Variants in YDJC observed in about 807,000 individuals in gnomAD.
YDJC encodes YdjC chitooligosaccharide deacetylase homolog, also known as carbohydrate deacetylase.
YDJC carries 23 observed loss-of-function variants against 18.9 expected under a neutral mutation model. The ratio of observed to expected loss-of-function variants is 1.22; its 90% CI spans 0.87 to 1.72. The LOEUF is 1.72. YDJC is among the 40% of genes most tolerant of loss of function. The probability of loss-of-function intolerance (pLI) is 0.00; values close to 1 mark genes in which losing one functional copy is unlikely to be tolerated. For synonymous variants in YDJC, 224 were observed against 217.6 expected (o/e 1.03, Z -0.26); for missense variants, 467 against 470.8 (o/e 0.99, Z 0.07).
In YDJC at chr22:21,629,359, C is replaced by A. The variant is rs375193887; in HGVS notation, c.373G>T (p.Gly125Cys). ...CCGTCCGCGTGCGTGGGGGCCCTGC[C>A]CAGCAGCTCCCGGAAGCAGCTTAGT... The part of the protein sequence containing the change: ...AQLSCFRELL[G>C]RAPTHADGHQ... Residue 125 changes from glycine to cysteine, a missense_variant, in exon 3 of 5, where the codon GGC becomes TGC. By Grantham distance (159) the Gly-to-Cys change is radical. Transcript: ENST00000292778. The A allele has an allele frequency of 1.9e-6, 3 of 1,550,098 alleles. No homozygotes were observed. Among genetic ancestry groups the A allele is most frequent in the Non-Finnish European group, 1.7e-6 (2 of 1,146,900 alleles).
chr22:21,629,231 G>C (rs563328394), intron 3 of YDJC, 44 bp from the exon 4 acceptor site: 83 of 1,549,090 alleles, frequency 5.4e-5, no homozygotes, highest in Non-Finnish European at 7.1e-5. Flanking sequence ...CTTTCACCTG[G>C]GGGCATCGAA....
In YDJC at chr22:21,628,469, C is replaced by A. The variant is rs753067598; in HGVS notation, c.921G>T (p.Glu307Asp). ...DDLDSKRPGE[E>D]VPCEPTLEPF... ...GTTCCAGAGTGGGCTCACAGGGGAC[C>A]TCCTCCCCTGGCCTCTTGGAGTCCA... The change falls in exon 5 of 5, where the codon GAG (glutamate) becomes GAT (aspartate). Residue 307 changes from glutamate (E) to aspartate (D), a missense_variant. Transcript: ENST00000292778. 1.9e-6 allele frequency: 3 copies of A among 1,596,230 alleles called. No individual in the cohort carries two copies. Among genetic ancestry groups the A allele is most frequent in the Non-Finnish European group, 2.6e-6 (3 of 1,169,166 alleles).
At chr22:21,629,247 C>T in intron 3 of YDJC, 60 bp from the exon 4 acceptor site, 1 of 1,549,808 alleles carries the variant, frequency 6.5e-7, no homozygotes, top group Non-Finnish European at 8.7e-7. Flanking sequence ...TCGAACTTCC[C>T]CTACTCCCCC....
intron 2 of YDJC, 55 bp downstream of exon 2, chr22:21,629,547 C>T: frequency 3.7e-6 from 6 of 1,610,310 alleles, no homozygotes; most frequent in Non-Finnish European, 5.1e-6. Context: ...CAGTACCCTC[C>T]GGGCGGAGCT....
chr22:21,629,624 G>A lies in YDJC; in HGVS notation c.302C>T (p.Ala101Val). 1 of 1,612,526 alleles carries A rather than the reference G, an allele frequency of 6.2e-7. No homozygotes were observed. The highest frequency in any genetic ancestry group is 1.3e-5 in the African/African-American group (1 of 75,064). The change falls in exon 2 of 5, where the codon GCC (alanine) becomes GTC (valine). Residue 101 changes from alanine to valine, a missense_variant. Physicochemically the swap from Ala to Val is moderately conservative, Grantham distance 64. Transcript: ENST00000292778. ...GKMGFREAVAAGDVDLPQVRE... is the reference protein window; with the variant it reads ...GKMGFREAVAVGDVDLPQVRE... ...CACCTGAGGCAAATCCACGTCTCCG[G>A]CCGCCACCGCCTCCCGGAATCCCAT...
rs369787840 is a variant in YDJC at position 21,628,557 on chromosome 22, G to T, written c.833C>A (p.Thr278Asn). 5.6e-6 allele frequency: 9 copies of T among 1,611,118 alleles called. No homozygotes were observed. In the African/African-American group the frequency reaches 1.2e-4, roughly 22 times the overall value. The stretch of plus-strand genomic sequence containing the variant: ...AAGCTGGGCCCGCAGCGTGGGCGCG[G>T]TGAGGACGCGCAGCTCATGCAGCCG... ...WERLHELRVL[T>N]APTLRAQLAQ... The change falls in exon 5 of 5, where the codon ACC becomes AAC. Residue 278 changes from threonine to asparagine, a missense_variant. Coordinates refer to ENST00000292778, the MANE Select transcript of YDJC (RefSeq NM_001017964.2).
intron 4 of YDJC, 65 bp downstream of exon 4, chr22:21,628,945 C>A: frequency 7.0e-7 from 1 of 1,433,880 alleles, no homozygotes; most frequent in South Asian, 1.5e-5. Flanking sequence ...CACAGCTAGC[C>A]AGGTGAACAG....
rs1289528726 is a variant in YDJC, at chr22:21,629,323, C to T, written c.409G>A (p.Val137Met). The T allele has an allele frequency of 7.7e-6, 12 of 1,550,514 alleles. No homozygotes were observed. The highest frequency in any genetic ancestry group is 1.0e-5 in the Non-Finnish European group (12 of 1,146,896). Residue 137 changes from valine (V) to methionine (M), a missense_variant, in exon 3 of 5, where the codon GTG becomes ATG. By Grantham distance (21) the Val-to-Met change is conservative. Transcript: ENST00000292778. ...APTHADGHQH[V>M]HVLPGVCQVF... ...AACCACGCACCTGGGAGCACGTGCA[C>T]GTGCTGGTGCCCGTCCGCGTGCGTG...
chr22:21,628,379 T>C lies in YDJC; in HGVS notation c.*39A>G. Reference sequence around the variant, plus strand: ...GGACTAAATCCTGGCTCCCCTTTCTTGGTACTAAGGGGATTAGTGCTTGGT... The same window carrying C: ...GGACTAAATCCTGGCTCCCCTTTCTCGGTACTAAGGGGATTAGTGCTTGGT... On this transcript the variant is annotated 3_prime_UTR_variant, in exon 5 of 5. Coordinates refer to ENST00000292778, the MANE Select transcript of YDJC (RefSeq NM_001017964.2). 6.8e-7 allele frequency: 1 copy of C among 1,477,564 alleles called. No homozygotes were observed. The highest frequency in any genetic ancestry group is 9.0e-7 in the Non-Finnish European group (1 of 1,108,854). The allele number at this position is 1,477,564 out of a possible 1,614,324, so 91.5% of individuals were successfully genotyped here. A position where few individuals can be genotyped will look rare whatever the true frequency, so the allele number is the denominator to read the frequency against.
In YDJC at chr22:21,629,087, G is replaced by T. The variant is rs772472320; in HGVS notation, c.525C>A (p.Ala175=). 5.5e-5 allele frequency: 84 copies of T among 1,535,500 alleles called. No homozygotes were observed. The Admixed American group carries it at 7.1e-4, about 13-fold the overall frequency. Residue 175 remains alanine, a synonymous_variant, in exon 4 of 5, where the codon GCC becomes GCA. Coordinates refer to ENST00000292778, the MANE Select transcript of YDJC (RefSeq NM_001017964.2). ...CGGCGCAGGCGAAGGCACGCGCGGG[G>T]GCCTCCAGCCAAGTGCAGCCACCCA... ...RGVGGCTWLE[A]PARAFACAVE...
In YDJC at chr22:21,628,796, G is replaced by A. The variant is rs1363526833; in HGVS notation, c.603-9C>T. On this transcript the variant is annotated splice_polypyrimidine_tract_variant and intron_variant, in intron 4 of 4. Coordinates refer to ENST00000292778, the MANE Select transcript of YDJC (RefSeq NM_001017964.2). ...CGAAGGCGTCTGTCCACCTGTGGGG[G>A]GCGGGACATCAGAGGTGGGACCAGG... The A allele has an allele frequency of 8.5e-5, 125 of 1,468,790 alleles. No individual in the cohort carries two copies. The highest frequency in any genetic ancestry group is 1.1e-4 in the Non-Finnish European group (120 of 1,108,146). The allele number at this position is 1,468,790 out of a possible 1,614,324, so 91.0% of individuals were successfully genotyped here.
Position 21,629,175 on chromosome 22 carries a change from A to T in YDJC, c.437T>A (p.Val146Glu), listed in dbSNP as rs1930379916. The T allele has an allele frequency of 1.3e-6, 2 of 1,542,726 alleles. No homozygotes were observed. Among genetic ancestry groups the T allele is most frequent in the South Asian group, 2.4e-5 (2 of 83,896 alleles). Reference sequence around the variant, plus strand: ...ATAGGCCTGCAGCGCCTCGGCGAACACCTGGCACACGCCTGCGGGCGGAGC... The same window carrying T: ...ATAGGCCTGCAGCGCCTCGGCGAACTCCTGGCACACGCCTGCGGGCGGAGC... ...HVHVLPGVCQ[V>E]FAEALQAYGV... The change falls in exon 4 of 5, where the codon GTG (valine) becomes GAG (glutamate). Residue 146 changes from valine to glutamate, a missense_variant. Transcript: ENST00000292778.
rs377651393 is a variant in YDJC at position 21,629,604 on chromosome 22, G to A, written c.322C>T (p.Gln108Ter). The change falls in exon 2 of 5, where the codon CAG becomes TAG. Residue 108 changes from glutamine to a stop codon, truncating the protein, a stop_gained and splice_region_variant. Transcript: ENST00000292778. LOFTEE classifies it high-confidence loss of function. ...AVAAGDVDLP[Q>*]VREELEAQLS... ...CTCCTGTAGCTGCGGCTCCGCACCT[G>A]AGGCAAATCCACGTCTCCGGCCGCC... The A allele has an allele frequency of 5.5e-5, 89 of 1,612,624 alleles. No individual in the cohort carries two copies. Among genetic ancestry groups the A allele is most frequent in the African/African-American group, 3.2e-4 (24 of 75,072 alleles).
At position 21,629,042 on chromosome 22, in the gene YDJC, G is replaced by T; in HGVS notation, c.570C>A (p.Ala190=). Residue 190 remains alanine, a synonymous_variant, in exon 4 of 5, where the codon GCC becomes GCA. Coordinates refer to ENST00000292778, the MANE Select transcript of YDJC (RefSeq NM_001017964.2). ...CGTGGCGGGAGAAGGGGCCCACGGC[G>T]GCCCGGGCGTCGCGCTCCACGGCGC... The part of the protein sequence containing the change: ...FACAVERDAR[A]AVGPFSRHGL... 1 of 1,501,922 alleles carries T rather than the reference G, an allele frequency of 6.7e-7. No homozygotes were observed. Among genetic ancestry groups the T allele is most frequent in the East Asian group, 2.5e-5 (1 of 40,076 alleles). 93.0% of individuals were successfully genotyped at this position (1,501,922 alleles called of 1,614,324 possible).
Position 21,628,195 on chromosome 22 carries a change from C to T in YDJC, c.*223G>A, listed in dbSNP as rs1481562408. 1 of 504,222 alleles carries T rather than the reference C, an allele frequency of 2.0e-6. No homozygotes were observed. The highest frequency in any genetic ancestry group is 3.2e-6 in the Non-Finnish European group (1 of 313,546). 31.2% of individuals were successfully genotyped at this position (504,222 alleles called of 1,614,324 possible). ...GAGGGGCACCAAATGCTCTGCGGGC[C>T]CTAGCCCGCTGCCACAGGCTAGGCC... On this transcript the variant is annotated 3_prime_UTR_variant, in exon 5 of 5. Transcript: ENST00000292778.
chr22:21,628,299 C>A lies in YDJC; in HGVS notation c.*119G>T. On this transcript the variant is annotated 3_prime_UTR_variant, in exon 5 of 5. Coordinates refer to ENST00000292778, the MANE Select transcript of YDJC (RefSeq NM_001017964.2). The stretch of plus-strand genomic sequence containing the variant: ...GACCTGAGCCCAGAGGTGGCAGTGT[C>A]CTACCCAGGGAAGTCAACAGATCGT... The A allele has an allele frequency of 7.3e-7, 1 of 1,363,294 alleles. No individual in the cohort carries two copies. The highest frequency in any genetic ancestry group is 2.6e-5 in the East Asian group (1 of 38,966). 84.4% of individuals were successfully genotyped at this position (1,363,294 alleles called of 1,614,324 possible).
chr22:21,629,187 C>G lies in YDJC; in HGVS notation c.425G>C (p.Gly142Ala). The change falls in exon 4 of 5, where the codon GGC becomes GCC. Residue 142 changes from glycine to alanine, a missense_variant and splice_region_variant. Gly to Ala is a moderately conservative substitution (Grantham distance 60). Transcript: ENST00000292778. Reference protein sequence around the residue: ...DGHQHVHVLPGVCQVFAEALQ... With the variant: ...DGHQHVHVLPAVCQVFAEALQ... ...CGCCTCGGCGAACACCTGGCACACG[C>G]CTGCGGGCGGAGCGGGTCAGGGAGG... is the stretch of plus-strand genomic sequence containing the variant. 6.5e-7 allele frequency: 1 copy of G among 1,543,978 alleles called. No homozygotes were observed. Among genetic ancestry groups the G allele is most frequent in the Non-Finnish European group, 8.7e-7 (1 of 1,145,958 alleles).
rs1568994731 is a variant in YDJC at position 21,629,870 on chromosome 22, C to T, written c.145G>A (p.Ala49Thr). 3 of 1,573,024 alleles carry T rather than the reference C, an allele frequency of 1.9e-6. No homozygotes were observed. The highest frequency in any genetic ancestry group is 1.4e-5 in the African/African-American group (1 of 72,240). The change falls in exon 1 of 5, where the codon GCG (alanine) becomes ACG (threonine). Residue 49 changes from alanine to threonine, a missense_variant. Physicochemically the swap from Ala to Thr is moderately conservative, Grantham distance 58 (BLOSUM62 0). Coordinates refer to ENST00000292778, the MANE Select transcript of YDJC (RefSeq NM_001017964.2). ...CCTCACCTGCGGGCCAGCTCCGCCG[C>T]GCTCTCCGTGGCCGCACCGTTGACC... is the stretch of plus-strand genomic sequence containing the variant. ...LLVNGAATES[A>T]AELARRHSIP...
At position 21,629,232 on chromosome 22, in the gene YDJC, G is replaced by C. The variant is rs1302399541; in HGVS notation, c.425-45C>G. The stretch of plus-strand genomic sequence containing the variant: ...GGGAGGAGCACGTCCTTTCACCTGG[G>C]GGCATCGAACTTCCCCTACTCCCCC... On this transcript the variant is annotated intron_variant, in intron 3 of 4. Coordinates refer to ENST00000292778, the MANE Select transcript of YDJC (RefSeq NM_001017964.2). The C allele has an allele frequency of 2.6e-6, 4 of 1,548,848 alleles. No individual in the cohort carries two copies. The East Asian group carries it at 9.8e-5, about 38-fold the overall frequency.
Sources: allele counts gnomAD v4.1 joint callset, GRCh38; gene constraint gnomAD v4.1.1; transcripts MANE v1.5; gene names NCBI Gene and HGNC (gene_info 2026-07-23, HGNC 2026-07-21).